Variants in USP24 observed in about 807,000 individuals in gnomAD.
The protein encoded by USP24 is ubiquitin specific peptidase 24.
In USP24, 97 loss-of-function variants were observed where a neutral mutation model predicts 361.6. The ratio of observed to expected loss-of-function variants is 0.27; its 90% CI spans 0.23 to 0.32. USP24 has a LOEUF of 0.32. Among genes scored for constraint, USP24 ranks in the 10% least tolerant of loss-of-function variants. USP24 has a pLI of 1.00. For missense variants in USP24, 2,353 were observed against 3,165.6 expected (o/e 0.74, Z 6.16); for synonymous variants, 1,098 against 1,124.6 (o/e 0.98, Z 0.47).
intron 28 of USP24, among the ~76,000 whole-genome samples, chr1:55,134,688 A>C (rs1192132166): frequency 6.6e-6 from 1 of 152,222 alleles, no homozygotes; most frequent in Non-Finnish European, 1.5e-5. Flanking sequence ...ACAGTAGAAG[A>C]GAGGTAAAGC....
chr1:55,211,658 G>A (rs1362154318), intron 1 of USP24, among the ~76,000 whole-genome samples: 1 of 152,080 alleles, frequency 6.6e-6, no homozygotes, highest in African/African-American at 2.4e-5. Flanking sequence ...AAAATGAGAG[G>A]CTTGGACTAA....
chr1:55,107,862 A>AAAAAC (rs1645832055), intron 39 of USP24, among the ~76,000 whole-genome samples: 1 of 149,340 alleles, frequency 6.7e-6, no homozygotes, highest in East Asian at 1.9e-4. Context: ...AAAAAAAAAA[A>AAAAAC]AAAACACACA....
In USP24 at chr1:55,137,872, C is replaced by T. The variant is rs1347034813; in HGVS notation, c.2961G>A (p.Arg987=). The part of the protein sequence containing the change: ...AHSNETIGSV[R]WKIAKQLCSP... ...AGCACAACTGCTTGGCTATTTTCCACCGGACACTCCCTATGGTTTCATTAC... is the reference window on the plus strand; with the variant it reads ...AGCACAACTGCTTGGCTATTTTCCATCGGACACTCCCTATGGTTTCATTAC... The change falls in exon 27 of 68, where the codon CGG becomes CGA. Residue 987 remains arginine, a synonymous_variant. Transcript: ENST00000294383. 6 of 1,594,678 alleles carry T rather than the reference C, an allele frequency of 3.8e-6. No homozygotes were observed. The highest frequency in any genetic ancestry group is 5.1e-6 in the Non-Finnish European group (6 of 1,169,512).
rs1570394549 is a variant in USP24, at chr1:55,097,827, A to G, written c.5596-110T>C. ...TTTCTGATCCATGTGAAAACAAGTA[A>G]TGACACAATCTAATGGAAATAACAG... On this transcript the variant is annotated intron_variant, in intron 47 of 67. Coordinates refer to ENST00000294383, the MANE Select transcript of USP24 (RefSeq NM_015306.3). 4.0e-6 allele frequency: 6 copies of G among 1,509,220 alleles called. No individual in the cohort carries two copies. The East Asian group carries it at 1.4e-4, about 34-fold the overall frequency. 93.5% of individuals were successfully genotyped at this position (1,509,220 alleles called of 1,614,324 possible). A position where few individuals can be genotyped will look rare whatever the true frequency, so the allele number is the denominator to read the frequency against.
At chr1:55,083,707 C>G in intron 57 of USP24, 65 bp downstream of exon 57, 3 of 1,251,288 alleles carry the variant, frequency 2.4e-6, no homozygotes, top group South Asian at 1.4e-5. Flanking sequence ...ACTATCCAGT[C>G]TAAAAATTTT....
chr1:55,096,520 A>G lies in USP24; in HGVS notation c.6039T>C (p.Tyr2013=), dbSNP rs367760253. 1 of 1,605,444 alleles carries G rather than the reference A, an allele frequency of 6.2e-7. No homozygotes were observed. The highest frequency in any genetic ancestry group is 1.3e-5 in the African/African-American group (1 of 74,716). Residue 2013 remains tyrosine, a synonymous_variant, in exon 50 of 68, where the codon TAT becomes TAC. Transcript: ENST00000294383. ...TACTTTGATCATAAACTTTTGGTCT[A>G]TATTCTCCTCCAAAGCATTCATACT... ...TLEYECFGGE[Y]RPKVYDQTNP...
chr1:55,098,548 C>A lies in USP24; in HGVS notation c.5381G>T (p.Arg1794Ile). The change falls in exon 46 of 68, where the codon AGA (arginine) becomes ATA (isoleucine). Residue 1794 changes from arginine to isoleucine, a missense_variant. Arg to Ile is a moderately conservative substitution (Grantham distance 97). This residue lies in a region of USP24 where 105 missense variants were observed against 200.3 expected (regional missense o/e 0.52). Coordinates refer to ENST00000294383, the MANE Select transcript of USP24 (RefSeq NM_015306.3). The part of the protein sequence containing the change: ...QMDEYLKKMG[R>I]DQIFKNTFQG... ...AAATGTATTCTTAAAAATTTGGTCT[C>A]TCCCCATTTTCTGTTGGAATGAAAA... 1 of 1,611,238 alleles carries A rather than the reference C, an allele frequency of 6.2e-7. No individual in the cohort carries two copies.
At chr1:55,115,846 G>A (rs547284926) in intron 38 of USP24, among the ~76,000 whole-genome samples, 1 of 152,164 alleles carries the variant, frequency 6.6e-6, no homozygotes, top group Non-Finnish European at 1.5e-5. Context: ...CATAGAAAAG[G>A]ATGAGTTCAT....
Position 55,215,219 on chromosome 1 carries a change from G to A in USP24, c.-106C>T. On this transcript the variant is annotated 5_prime_UTR_variant, in exon 1 of 68. Transcript: ENST00000294383. ...CCGCGCCGCCTCCGCGCCCAGGTTG[G>A]CCCCTGCGTTCCTGCCCCGGGTGCT... 2 of 978,852 alleles carry A rather than the reference G, an allele frequency of 2.0e-6. No homozygotes were observed. The highest frequency in any genetic ancestry group is 2.6e-6 in the Non-Finnish European group (2 of 770,128). 60.6% of individuals were successfully genotyped at this position (978,852 alleles called of 1,614,324 possible).
At position 55,131,772 on chromosome 1, in the gene USP24, T is replaced by C. The variant is rs138431572; in HGVS notation, c.3537+773A>G. Among the ~76,000 whole-genome samples, 1,010 of 152,326 alleles carry C rather than the reference T, an allele frequency of 6.6e-3. 14 individuals are homozygous for C. The highest frequency in any genetic ancestry group is 0.023 in the African/African-American group (957 of 41,570). On this transcript the variant is annotated intron_variant, in intron 31 of 67. Coordinates refer to ENST00000294383, the MANE Select transcript of USP24 (RefSeq NM_015306.3). ...TTGACTTTTGTGTACTTAAGATACA[T>C]GATATAATAATTAAGACTGCTTAGG... is the stretch of plus-strand genomic sequence containing the variant.
At chr1:55,136,865 G>T (rs754826730) in intron 28 of USP24, among the ~76,000 whole-genome samples, 1 of 152,090 alleles carries the variant, frequency 6.6e-6, no homozygotes, top group African/African-American at 2.4e-5. Flanking sequence ...TTAAGTGGAT[G>T]GATCCATTTA....
chr1:55,083,919 G>GA, intron 56 of USP24, 31 bp from the exon 57 acceptor site: 2 of 1,477,966 alleles, frequency 1.4e-6, no homozygotes, highest in African/African-American at 2.8e-5. Flanking sequence ...ATTACATGAA[G>GA]AAAAAGAACG....
At chr1:55,182,250 C>T (rs1247616894) in intron 1 of USP24, among the ~76,000 whole-genome samples, 1 of 152,154 alleles carries the variant, frequency 6.6e-6, no homozygotes, top group African/African-American at 2.4e-5. Context: ...CGGGGTTTCA[C>T]CATGTTGGCC....
intron 9 of USP24, 51 bp from the exon 10 acceptor site, chr1:55,159,087 T>G: frequency 7.3e-7 from 1 of 1,362,304 alleles, no homozygotes; most frequent in Non-Finnish European, 9.6e-7. Flanking sequence ...AAAAACATTT[T>G]GATCCCAATT....
chr1:55,150,140 A>C (rs1647153306), intron 16 of USP24, among the ~76,000 whole-genome samples: 1 of 152,214 alleles, frequency 6.6e-6, no homozygotes, highest in Non-Finnish European at 1.5e-5. Context: ...GAGAACAAGC[A>C]CACAAAACTC....
intron 39 of USP24, 95 bp from the exon 40 acceptor site, chr1:55,107,525 T>A: frequency 7.4e-7 from 1 of 1,343,634 alleles, no homozygotes; most frequent in Non-Finnish European, 9.8e-7. Context: ...CAAGCCCCAA[T>A]CTTTCACTTT....
At chr1:55,159,072 A>C in intron 9 of USP24, 36 bp from the exon 10 acceptor site, 1 of 1,409,448 alleles carries the variant, frequency 7.1e-7, no homozygotes, top group Non-Finnish European at 9.4e-7. Context: ...CAAAAAAGGA[A>C]CTGTAAAAAC....
chr1:55,085,827 G>A, intron 56 of USP24, 115 bp downstream of exon 56: 2 of 1,017,012 alleles, frequency 2.0e-6, no homozygotes, highest in Non-Finnish European at 1.5e-6. Flanking sequence ...CACAGAAGGT[G>A]TATTTATGTG....
chr1:55,210,466 T>G (rs976377697), intron 1 of USP24, among the ~76,000 whole-genome samples: 6 of 152,336 alleles, frequency 3.9e-5, no homozygotes, highest in African/African-American at 1.4e-4. Flanking sequence ...GCTACTCATT[T>G]GATATTTACT....
Sources: gnomAD v4.1 joint callset for allele counts (sites outside exome capture counted in the v4.1 genomes callset) on GRCh38, gnomAD v4.1.1 for gene constraint, gnomAD v4.1.1 regional missense constraint, MANE v1.5 for transcripts, NCBI Gene and HGNC (gene_info 2026-07-23, HGNC 2026-07-21) for gene names.